Variants in ALOX5 observed in about 807,000 individuals in gnomAD.
ALOX5 encodes polyunsaturated fatty acid 5-lipoxygenase.
In ALOX5, 64 loss-of-function variants were observed where a neutral mutation model predicts 87.9. The ratio of observed to expected loss-of-function variants is 0.73; its 90% CI spans 0.60 to 0.90. The LOEUF is 0.90. Among genes scored for constraint, ALOX5 ranks in the 40% least tolerant of loss-of-function variants. The probability of loss-of-function intolerance (pLI) is 0.00; values close to 1 mark genes in which losing one functional copy is unlikely to be tolerated. For missense variants in ALOX5, 822 were observed against 907.5 expected (o/e 0.91, Z 1.21); for synonymous variants, 388 against 355.1 (o/e 1.09, Z -1.04).
chr10:45,408,443 A>G (rs1173939485), intron 3 of ALOX5, among the ~76,000 whole-genome samples: 1 of 152,176 alleles, frequency 6.6e-6, no homozygotes, highest in Non-Finnish European at 1.5e-5. Context: ...TAAAAGAATT[A>G]TTATCTAAAA....
intron 2 of ALOX5, among the ~76,000 whole-genome samples, chr10:45,394,265 C>A (rs1840414095): frequency 6.6e-6 from 1 of 152,124 alleles, no homozygotes; most frequent in Non-Finnish European, 1.5e-5. Context: ...AGATATAGAC[C>A]AATGGAACAG....
At chr10:45,407,272 C>T (rs1723576221) in intron 3 of ALOX5, among the ~76,000 whole-genome samples, 1 of 152,156 alleles carries the variant, frequency 6.6e-6, no homozygotes, top group African/African-American at 2.4e-5. Context: ...TCCCTCCCTC[C>T]CCCACTTTCT....
intron 2 of ALOX5, among the ~76,000 whole-genome samples, chr10:45,390,207 T>A (rs921313146): frequency 5.3e-5 from 8 of 152,180 alleles, no homozygotes; most frequent in African/African-American, 1.9e-4. Context: ...CTTAGAGACC[T>A]ACAAAGAGAC....
chr10:45,443,332 C>T (rs1013005022), intron 10 of ALOX5, 84 bp from the exon 11 acceptor site: 30 of 1,585,074 alleles, frequency 1.9e-5, no homozygotes, highest in Non-Finnish European at 2.4e-5. Context: ...TGGGGGAGTC[C>T]CAGCGTCCGT....
intron 3 of ALOX5, among the ~76,000 whole-genome samples, chr10:45,399,059 A>G (rs1243744550): frequency 6.6e-6 from 1 of 152,198 alleles, no homozygotes; most frequent in Non-Finnish European, 1.5e-5. Context: ...CACAACCCAA[A>G]CGTCCATTAA....
intron 7 of ALOX5, among the ~76,000 whole-genome samples, chr10:45,434,422 C>T (rs572966230): frequency 6.6e-6 from 1 of 152,298 alleles, no homozygotes; most frequent in African/African-American, 2.4e-5. Flanking sequence ...AAATTGAAAA[C>T]AGTCTGAAGG....
At position 45,425,700 on chromosome 10, in the gene ALOX5, G is replaced by A. The variant is rs1841679980; in HGVS notation, c.834+568G>A. Among the ~76,000 whole-genome samples the A allele has an allele frequency of 6.6e-6, 1 of 152,200 alleles. No individual in the cohort carries two copies. The highest frequency in any genetic ancestry group is 1.5e-5 in the Non-Finnish European group (1 of 68,036). ...CTGACCTAGTCTTGAGACAGAAGAA[G>A]TTCAAACCAACTCCACCTGGATCTG... On this transcript the variant is annotated intron_variant, in intron 6 of 13. Transcript: ENST00000374391. The surrounding 1 kb of genome is among the most constrained non-coding windows in gnomAD (Gnocchi z 4.4).
intron 5 of ALOX5, among the ~76,000 whole-genome samples, chr10:45,424,565 C>T (rs34445001): frequency 0.012 from 1,791 of 152,242 alleles, 20 homozygotes; most frequent in Non-Finnish European, 0.014. Context: ...TCATAGTGGC[C>T]AGTCATGGCA....
intron 3 of ALOX5, among the ~76,000 whole-genome samples, chr10:45,411,818 G>A (rs1841074420): frequency 6.6e-6 from 1 of 152,212 alleles, no homozygotes; most frequent in South Asian, 2.1e-4. Context: ...GGCGTGGCTG[G>A]GCAGCCTTAA....
chr10:45,401,387 T>C (rs1840694541), intron 3 of ALOX5, among the ~76,000 whole-genome samples: 1 of 152,164 alleles, frequency 6.6e-6, no homozygotes, highest in Non-Finnish European at 1.5e-5. Context: ...GAAAATAATA[T>C]AGAGCCAGAA....
chr10:45,418,910 G>C (rs1002108744), intron 4 of ALOX5, among the ~76,000 whole-genome samples: 1 of 152,224 alleles, frequency 6.6e-6, no homozygotes, highest in Non-Finnish European at 1.5e-5. Context: ...CCAGTGGGGC[G>C]GGACAGTGCA....
chr10:45,388,933 T>C (rs1033717606), intron 2 of ALOX5, among the ~76,000 whole-genome samples: 2 of 152,116 alleles, frequency 1.3e-5, no homozygotes, highest in African/African-American at 4.8e-5. Context: ...CAAAAAAAGC[T>C]AAAAACCTTG....
chr10:45,443,868 A>C lies in ALOX5; in HGVS notation c.1674+40A>C, dbSNP rs2132865289. On this transcript the variant is annotated intron_variant, in intron 12 of 13. Coordinates refer to ENST00000374391, the MANE Select transcript of ALOX5 (RefSeq NM_000698.5). ...GCCCGCTGGGCAGGGCTCCCTTCTC[A>C]AGGCCGCTGCCTCCTCCCCCGCCCC... 1.9e-6 allele frequency: 3 copies of C among 1,554,200 alleles called. No homozygotes were observed. The East Asian group carries it at 7.3e-5, about 38-fold the overall frequency.
At chr10:45,399,046 G>A (rs758707169) in intron 3 of ALOX5, among the ~76,000 whole-genome samples, 6 of 152,128 alleles carry the variant, frequency 3.9e-5, no homozygotes, top group Non-Finnish European at 8.8e-5. Flanking sequence ...ATCAAAAAGT[G>A]TACACAACCC....
chr10:45,425,351 C>T lies in ALOX5; in HGVS notation c.834+219C>T, dbSNP rs2132809099. Among the ~76,000 whole-genome samples, 1 of 152,308 alleles carries T rather than the reference C, an allele frequency of 6.6e-6. No individual in the cohort carries two copies. Among genetic ancestry groups the T allele is most frequent in the South Asian group, 2.1e-4 (1 of 4,828 alleles). On this transcript the variant is annotated intron_variant, in intron 6 of 13. Coordinates refer to ENST00000374391, the MANE Select transcript of ALOX5 (RefSeq NM_000698.5). This position sits in a 1 kb window ranked among gnomAD's most constrained non-coding sequence, Gnocchi z 4.4. ...AGAGGAGGAATTGCGGGGAATGTTT[C>T]TCCATGATGCTCGAGTCTGGGAACA...
rs574738729 is a variant in ALOX5, at chr10:45,380,617, A to G, written c.151-1866A>G. On this transcript the variant is annotated intron_variant, in intron 1 of 13. Transcript: ENST00000374391. Reference sequence around the variant, plus strand: ...CTCTAGGTTCTGCCGCCAGGGATAAAGTTCAAGGGTTGATGAATCTGGCTT... The same window carrying G: ...CTCTAGGTTCTGCCGCCAGGGATAAGGTTCAAGGGTTGATGAATCTGGCTT... Among the ~76,000 whole-genome samples, 5 of 152,290 alleles carry G rather than the reference A, an allele frequency of 3.3e-5. No individual in the cohort carries two copies. The East Asian group carries it at 9.7e-4, about 29-fold the overall frequency.
intron 2 of ALOX5, among the ~76,000 whole-genome samples, chr10:45,384,767 G>A (rs890483599): frequency 6.6e-6 from 1 of 151,670 alleles, no homozygotes; most frequent in African/African-American, 2.4e-5. Flanking sequence ...CCCAGACTCC[G>A]GGGGTGGGGG....
chr10:45,383,071 G>A (rs1015593146), intron 2 of ALOX5, among the ~76,000 whole-genome samples: 13 of 152,226 alleles, frequency 8.5e-5, no homozygotes, highest in Admixed American at 3.9e-4. Flanking sequence ...CCTGCCCTCC[G>A]TGAGATCACA....
intron 1 of ALOX5, among the ~76,000 whole-genome samples, chr10:45,381,514 G>T (rs567450180): frequency 2.0e-5 from 3 of 152,198 alleles, no homozygotes; most frequent in Admixed American, 6.5e-5. Context: ...TGTGGAAGGG[G>T]TGGTAACTCC....
Sources: allele counts gnomAD v4.1 joint callset (sites outside exome capture counted in the v4.1 genomes callset), GRCh38; gene constraint gnomAD v4.1.1; non-coding constraint Gnocchi (gnomAD v3.1); transcripts MANE v1.5; gene names NCBI Gene and HGNC (gene_info 2026-07-23, HGNC 2026-07-21).